The following CACNA1A variants were observed in gnomAD, a reference collection of about 807,000 sequenced individuals.
CACNA1A encodes voltage-dependent P/Q-type calcium channel subunit alpha-1A.
CACNA1A carries 57 observed loss-of-function variants against 262.4 expected under a neutral mutation model. The ratio of observed to expected loss-of-function variants is 0.22; its 90% CI spans 0.18 to 0.27. The LOEUF is 0.27. CACNA1A is among the 10% of genes least tolerant of loss of function. The pLI is 1.00. For synonymous variants in CACNA1A, 1,431 were observed against 1,419.3 expected (o/e 1.01, Z -0.18); for missense variants, 2,526 against 3,562.8 (o/e 0.71, Z 7.41).
At chr19:13,505,863 C>T in intron 1 of CACNA1A, 69 bp downstream of exon 1, 4 of 1,507,280 alleles carry the variant, frequency 2.7e-6, no homozygotes, top group Non-Finnish European at 3.6e-6. Flanking sequence ...TCTCTCCCAG[C>T]CTGGAAGAGG....
intron 3 of CACNA1A, among the ~76,000 whole-genome samples, chr19:13,379,945 A>T (rs1300898224): frequency 9.6e-6 from 1 of 104,444 alleles, no homozygotes; most frequent in Non-Finnish European, 1.9e-5. Flanking sequence ...AAAAAAAAAA[A>T]GTGTTTAGAC....
intron 3 of CACNA1A, among the ~76,000 whole-genome samples, chr19:13,449,771 C>T (rs1295226164): frequency 6.6e-6 from 1 of 152,110 alleles, no homozygotes; most frequent in Admixed American, 6.5e-5. Flanking sequence ...ACATAAAATT[C>T]AGGAAAGTGC....
At chr19:13,291,179 G>A (rs529536454) in intron 19 of CACNA1A, among the ~76,000 whole-genome samples, 3 of 152,236 alleles carry the variant, frequency 2.0e-5, no homozygotes, top group South Asian at 2.1e-4. Flanking sequence ...CCTGCTGTGC[G>A]TGGCGTTCTT....
At chr19:13,313,499 A>T (rs1486126311) in intron 11 of CACNA1A, among the ~76,000 whole-genome samples, 2 of 55,322 alleles carry the variant, frequency 3.6e-5, no homozygotes, top group East Asian at 1.1e-3. Flanking sequence ...GACCTTGTCT[A>T]AAAAAAAAAA....
chr19:13,348,756 A>C (rs1248125285), intron 6 of CACNA1A, among the ~76,000 whole-genome samples: 6 of 152,178 alleles, frequency 3.9e-5, no homozygotes, highest in Non-Finnish European at 8.8e-5. Flanking sequence ...GAATCACTTG[A>C]ACCTGGGAGT....
intron 10 of CACNA1A, among the ~76,000 whole-genome samples, chr19:13,326,909 T>G (rs1289214656): frequency 6.6e-6 from 1 of 151,994 alleles, no homozygotes; most frequent in Non-Finnish European, 1.5e-5. Flanking sequence ...TTTTTGTTTT[T>G]TTTTTTGAGA....
intron 30 of CACNA1A, among the ~76,000 whole-genome samples, chr19:13,250,697 A>G (rs1289191882): frequency 6.6e-6 from 1 of 152,172 alleles, no homozygotes; most frequent in African/African-American, 2.4e-5. Context: ...CACTCAGCCA[A>G]CTATACTTTT....
chr19:13,348,657 G>A (rs1006993108), intron 6 of CACNA1A, among the ~76,000 whole-genome samples: 1 of 152,168 alleles, frequency 6.6e-6, no homozygotes, highest in Admixed American at 6.6e-5. Flanking sequence ...CCAACATGGT[G>A]AAACCCCGTC....
intron 6 of CACNA1A, among the ~76,000 whole-genome samples, chr19:13,336,600 A>AGAGAGG (rs1568547468): frequency 8.1e-5 from 9 of 110,858 alleles, no homozygotes; most frequent in Non-Finnish European, 1.3e-4. Context: ...AGAGGGAGAG[A>AGAGAGG]GAGAGAGAGA....
chr19:13,354,869 C>CTTTTTTT (rs56350383), intron 6 of CACNA1A, among the ~76,000 whole-genome samples: 34 of 115,094 alleles, frequency 3.0e-4, no homozygotes, highest in Non-Finnish European at 4.7e-4. Context: ...TTTTCTTTTT[C>CTTTTTTT]TTTTTTTTTT....
intron 24 of CACNA1A, chr19:13,275,522 C>T (rs1403045799): frequency 5.7e-6 from 2 of 348,346 alleles, no homozygotes; most frequent in East Asian, 5.8e-5. Flanking sequence ...TTGGGCGGCG[C>T]TTGTGGAGTA....
intron 6 of CACNA1A, among the ~76,000 whole-genome samples, chr19:13,353,359 T>C (rs1254220279): frequency 2.0e-5 from 3 of 151,614 alleles, no homozygotes; most frequent in African/African-American, 4.9e-5. Flanking sequence ...CTCAAACTCT[T>C]GGGCTCAAGT....
intron 3 of CACNA1A, among the ~76,000 whole-genome samples, chr19:13,423,523 C>A (rs758778741): frequency 6.6e-6 from 1 of 151,590 alleles, no homozygotes; most frequent in African/African-American, 2.4e-5. Flanking sequence ...TTCTTTTTTT[C>A]TTTTTTGAGA....
chr19:13,468,676 A>G (rs2061297570), intron 1 of CACNA1A, among the ~76,000 whole-genome samples: 2 of 152,186 alleles, frequency 1.3e-5, no homozygotes, highest in South Asian at 4.1e-4. Flanking sequence ...AATCCCAGCT[A>G]CTTAGGAGGC....
chr19:13,406,454 CAA>C lies in CACNA1A; in HGVS notation c.540-34677_540-34676del, dbSNP rs60415941. On this transcript the variant is annotated intron_variant, in intron 3 of 46. Transcript: ENST00000360228. ...TGGGTGACAGAGGGAGACTCTGTCT[CAA>C]AAAAAAAATTATATATATATATATA... 4.7e-4 allele frequency among the ~76,000 whole-genome samples: 34 copies of C among 71,602 alleles called. 2 individuals carry two copies. The highest frequency in any genetic ancestry group is 1.6e-3 in the African/African-American group (33 of 20,800). The allele number at this position is 71,602 out of a possible 152,430, so 47.0% of individuals were successfully genotyped here.
At chr19:13,420,633 C>T (rs530078413) in intron 3 of CACNA1A, among the ~76,000 whole-genome samples, 44 of 152,234 alleles carry the variant, frequency 2.9e-4, no homozygotes, top group African/African-American at 1.1e-3. Flanking sequence ...GTCAAGGTGG[C>T]TCTGCTGACA....
intron 4 of CACNA1A, 84 bp downstream of exon 4, chr19:13,371,604 C>T: frequency 1.0e-6 from 1 of 972,280 alleles, no homozygotes; most frequent in South Asian, 1.5e-5. Context: ...AGGATGTGGC[C>T]TCCTGAGATG....
chr19:13,436,037 C>G (rs1176776119), intron 3 of CACNA1A, among the ~76,000 whole-genome samples: 1 of 152,170 alleles, frequency 6.6e-6, no homozygotes, highest in African/African-American at 2.4e-5. Context: ...GTTGGCTACG[C>G]TGGTCTTGAA....
intron 17 of CACNA1A, among the ~76,000 whole-genome samples, chr19:13,301,451 A>G (rs1440602283): frequency 1.3e-5 from 2 of 152,210 alleles, no homozygotes; most frequent in Non-Finnish European, 2.9e-5. Context: ...AGGAATTTAT[A>G]TTCCCAGCCC....
Sources: allele counts gnomAD v4.1 joint callset (sites outside exome capture counted in the v4.1 genomes callset), GRCh38; gene constraint gnomAD v4.1.1; transcripts MANE v1.5; gene names NCBI Gene and HGNC (gene_info 2026-07-23, HGNC 2026-07-21).